The following DNAH2 variants were observed in gnomAD, a reference collection of about 807,000 sequenced individuals.
The protein encoded by DNAH2 is dynein axonemal heavy chain 2.
In DNAH2, 323 loss-of-function variants were observed where a neutral mutation model predicts 523.5. The observed-to-expected ratio is 0.62, with a 90% CI of 0.56 to 0.68. DNAH2 has a LOEUF of 0.68. Among genes scored for constraint, DNAH2 ranks in the 30% least tolerant of loss-of-function variants. The pLI is 0.00. For missense variants in DNAH2, 4,907 were observed against 5,701.5 expected, an observed-to-expected ratio of 0.86 and a Z score of 4.49; for synonymous variants, 2,093 against 2,177.4, an observed-to-expected ratio of 0.96 and a Z score of 1.08.
chr17:7,808,200 A>G (rs1047555989), intron 63 of DNAH2, among the ~76,000 whole-genome samples: 8 of 151,988 alleles, frequency 5.3e-5, no homozygotes, highest in African/African-American at 1.9e-4. Context: ...GTGAAACCCT[A>G]TCTCTACTAA....
chr17:7,760,966 T>C lies in DNAH2; in HGVS notation c.2978+34T>C, dbSNP rs369335433. The C allele has an allele frequency of 1.2e-6, 2 of 1,609,936 alleles. No homozygotes were observed. Among genetic ancestry groups the C allele is most frequent in the East Asian group, 2.2e-5 (1 of 44,866 alleles). Reference sequence around the variant, plus strand: ...TGAGGGTGGATTGAAAGTCTGTCTGTAGGAGGCACAGCACTGCAGGAGGAG... The same window carrying C: ...TGAGGGTGGATTGAAAGTCTGTCTGCAGGAGGCACAGCACTGCAGGAGGAG... On this transcript the variant is annotated intron_variant, in intron 18 of 85. Coordinates refer to ENST00000572933, the MANE Select transcript of DNAH2 (RefSeq NM_020877.5). The surrounding 1 kb of genome is among the most constrained non-coding windows in gnomAD (Gnocchi z 4.0).
At position 7,801,973 on chromosome 17, in the gene DNAH2, T is replaced by C. The variant is rs1567724304; in HGVS notation, c.8928T>C (p.Tyr2976=). The C allele has an allele frequency of 1.9e-6, 3 of 1,614,048 alleles. No individual in the cohort carries two copies. Among genetic ancestry groups the C allele is most frequent in the African/African-American group, 1.3e-5 (1 of 74,916 alleles). The part of the protein sequence containing the change: ...KMLLELRRHN[Y]VTPTKYLELL... ...TGTTGGAACTGCGGAGACACAACTA[T>C]GTCACACCCACCAAATACCTGGAAC... The change falls in exon 58 of 86, where the codon TAT becomes TAC. Residue 2976 remains tyrosine, a synonymous_variant. Transcript: ENST00000572933.
rs750613058 is a variant in DNAH2, at chr17:7,824,716, G to A, written c.11842G>A (p.Glu3948Lys). The change falls in exon 77 of 86, where the codon GAG becomes AAG. Residue 3948 changes from glutamate to lysine, a missense_variant. By Grantham distance (56) the Glu-to-Lys change is moderately conservative. This residue lies in a region of DNAH2 where 1,851 missense variants were observed against 2,139.4 expected (regional missense o/e 0.87). Coordinates refer to ENST00000572933, the MANE Select transcript of DNAH2 (RefSeq NM_020877.5). ...GCAGGTCAGCATCAAGATGACCACA[G>A]AGCCACCAAAGGTATGTGGCCATAG... is the stretch of plus-strand genomic sequence containing the variant. Reference protein sequence around the residue: ...ILQVSIKMTTEPPKGLKANMT... With the variant: ...ILQVSIKMTTKPPKGLKANMT... 2 of 1,567,962 alleles carry A rather than the reference G, an allele frequency of 1.3e-6. No individual in the cohort carries two copies.
At chr17:7,725,248 C>T (rs2074760295) in intron 3 of DNAH2, among the ~76,000 whole-genome samples, 3 of 150,698 alleles carry the variant, frequency 2.0e-5, no homozygotes, top group Admixed American at 1.3e-4. Flanking sequence ...CGCCACCATG[C>T]TGGGGTCATT....
Position 7,821,233 on chromosome 17 carries a change from T to C in DNAH2, c.11016-10T>C, listed in dbSNP as rs372606802. The C allele has an allele frequency of 3.1e-6, 5 of 1,611,304 alleles. No individual in the cohort carries two copies. Among genetic ancestry groups the C allele is most frequent in the African/African-American group, 2.7e-5 (2 of 74,854 alleles). On this transcript the variant is annotated splice_polypyrimidine_tract_variant and intron_variant, in intron 72 of 85. Coordinates refer to ENST00000572933, the MANE Select transcript of DNAH2 (RefSeq NM_020877.5). This position sits in a 1 kb window ranked among gnomAD's most constrained non-coding sequence, Gnocchi z 5.0. ...GCTGCCCCTCCCTCTTCCCTGTCCC[T>C]TTCTCCCAGGTACACCTGCCGTACC... is the stretch of plus-strand genomic sequence containing the variant.
chr17:7,727,387 C>A, intron 4 of DNAH2, 95 bp downstream of exon 4: 1 of 1,479,300 alleles, frequency 6.8e-7, no homozygotes, highest in Non-Finnish European at 9.0e-7. Context: ...ATCTCCTGTG[C>A]CCACGGCCTA....
intron 58 of DNAH2, among the ~76,000 whole-genome samples, chr17:7,802,972 C>A (rs2077265020): frequency 6.6e-6 from 1 of 152,118 alleles, no homozygotes; most frequent in South Asian, 2.1e-4. Flanking sequence ...CGTGCCCAGA[C>A]TTTTTTCAAA....
intron 63 of DNAH2, among the ~76,000 whole-genome samples, chr17:7,816,159 T>A (rs1008220560): frequency 8.5e-5 from 13 of 152,196 alleles, no homozygotes; most frequent in African/African-American, 3.1e-4. Flanking sequence ...TCTTTCTTTT[T>A]CTTCCTCTTT....
chr17:7,732,029 C>CA (rs35844931), intron 4 of DNAH2, among the ~76,000 whole-genome samples: 131 of 118,190 alleles, frequency 1.1e-3, no homozygotes, highest in South Asian at 4.5e-3. Context: ...AACTTCGTCT[C>CA]AAAAAAAAAA....
intron 5 of DNAH2, 149 bp downstream of exon 5, chr17:7,733,464 G>A (rs568850458): frequency 1.6e-5 from 9 of 565,196 alleles, no homozygotes; most frequent in South Asian, 9.9e-5. Flanking sequence ...TACAAGATCC[G>A]CCTTCTTCTT....
intron 77 of DNAH2, among the ~76,000 whole-genome samples, chr17:7,825,954 C>T (rs556269919): frequency 6.6e-6 from 1 of 152,306 alleles, no homozygotes; most frequent in African/African-American, 2.4e-5. Flanking sequence ...TGTGATGGCT[C>T]ACACCTGTAA....
At position 7,768,012 on chromosome 17, in the gene DNAH2, C is replaced by G; in HGVS notation, c.3788C>G (p.Thr1263Arg). The G allele has an allele frequency of 6.2e-7, 1 of 1,614,114 alleles. No individual in the cohort carries two copies. The highest frequency in any genetic ancestry group is 1.1e-5 in the South Asian group (1 of 91,076). ...LILQTETMET[T>R]AHGLFRRLTK... ...CTGCAGACGGAAACCATGGAGACCACGGCCCACGGGCTGTTTCGTCGCCTC... is the reference window on the plus strand; with the variant it reads ...CTGCAGACGGAAACCATGGAGACCAGGGCCCACGGGCTGTTTCGTCGCCTC... The change falls in exon 23 of 86, where the codon ACG becomes AGG. Residue 1263 changes from threonine (T) to arginine (R), a missense_variant. Coordinates refer to ENST00000572933, the MANE Select transcript of DNAH2 (RefSeq NM_020877.5).
At chr17:7,797,852 C>A in intron 53 of DNAH2, 23 bp downstream of exon 53, 1 of 1,591,814 alleles carries the variant, frequency 6.3e-7, no homozygotes. Flanking sequence ...CACGCCTATC[C>A]CCTTCCCCAT....
chr17:7,730,090 A>G (rs1305940963), intron 4 of DNAH2, among the ~76,000 whole-genome samples: 2 of 151,818 alleles, frequency 1.3e-5, no homozygotes, highest in East Asian at 1.9e-4. Context: ...TCACAACAGT[A>G]CCATGTTCTA....
At position 7,830,470 on chromosome 17, in the gene DNAH2, C is replaced by T. The variant is rs1398370373; in HGVS notation, c.12024C>T (p.Gly4008=). The T allele has an allele frequency of 1.2e-5, 19 of 1,614,062 alleles. No individual in the cohort carries two copies. The highest frequency in any genetic ancestry group is 1.6e-5 in the Non-Finnish European group (19 of 1,180,032). ...AGCTTGGCTGGAACATCATCTATGG[C>T]TTCAATGACTCCGACTTTGAGGTTT... ...FLQLGWNIIY[G]FNDSDFEVSE... is the part of the protein sequence containing the mutation. The change falls in exon 78 of 86, where the codon GGC becomes GGT. Residue 4008 remains glycine (G), a synonymous_variant. Coordinates refer to ENST00000572933, the MANE Select transcript of DNAH2 (RefSeq NM_020877.5).
chr17:7,815,971 C>T (rs2077654781), intron 63 of DNAH2, among the ~76,000 whole-genome samples: 1 of 152,210 alleles, frequency 6.6e-6, no homozygotes, highest in Admixed American at 6.5e-5. Flanking sequence ...TTCTTATTTT[C>T]TACTTTTTGA....
chr17:7,818,204 C>G, intron 68 of DNAH2, 108 bp downstream of exon 68: 7 of 1,595,942 alleles, frequency 4.4e-6, no homozygotes, highest in Non-Finnish European at 5.1e-6. Flanking sequence ...CAGCCCTGGC[C>G]TGGGGCCTTA....
chr17:7,739,996 A>C, intron 9 of DNAH2, 58 bp downstream of exon 9: 2 of 1,509,764 alleles, frequency 1.3e-6, no homozygotes, highest in Non-Finnish European at 9.0e-7. Flanking sequence ...CAGGCAGCCA[A>C]GAGTGGGAGG....
rs1022298365 is a variant in DNAH2, at chr17:7,758,872, G to C, written c.2209-13G>C. 1.2e-6 allele frequency: 2 copies of C among 1,612,728 alleles called. No individual in the cohort carries two copies. The highest frequency in any genetic ancestry group is 3.3e-5 in the Admixed American group (2 of 59,990). ...CCGAGCTGAAACTCCCCCATGACGG[G>C]GCCTGACTCTAGGTGCAGATGATTG... On this transcript the variant is annotated splice_polypyrimidine_tract_variant and intron_variant, in intron 14 of 85. Transcript: ENST00000572933.
Sources: gnomAD v4.1 joint callset for allele counts (sites outside exome capture counted in the v4.1 genomes callset) on GRCh38, gnomAD v4.1.1 for gene constraint, gnomAD v4.1.1 regional missense constraint, Gnocchi (gnomAD v3.1) non-coding constraint, MANE v1.5 for transcripts, NCBI Gene and HGNC (gene_info 2026-07-23, HGNC 2026-07-21) for gene names.